Variants in COL28A1 observed in about 807,000 individuals in gnomAD.
The protein encoded by COL28A1 is collagen type XXVIII alpha 1 chain, also known as collagen alpha-1(XXVIII) chain.
Under a neutral mutation model 150.2 loss-of-function variants are expected in COL28A1, and 161 were observed. That is an observed-to-expected ratio of 1.07 (90% CI 0.94 to 1.22). The LOEUF is 1.22. COL28A1 is among the 50% of genes most tolerant of loss of function. COL28A1 has a pLI of 0.00. For missense variants in COL28A1, 1,617 were observed against 1,388.3 expected (o/e 1.16, Z -2.62); for synonymous variants, 552 against 469.7 (o/e 1.18, Z -2.26).
chr7:7,497,361 G>A (rs1305845639), intron 11 of COL28A1, among the ~76,000 whole-genome samples: 5 of 152,134 alleles, frequency 3.3e-5, no homozygotes, highest in Non-Finnish European at 5.9e-5. Context: ...TGTGACTGAC[G>A]TGTATTAACT....
intron 26 of COL28A1, 40 bp from the exon 27 acceptor site, chr7:7,417,967 A>G: frequency 6.6e-7 from 1 of 1,518,622 alleles, no homozygotes; most frequent in Admixed American, 1.8e-5. Flanking sequence ...AAAATGTAAG[A>G]AGATCGAAGA....
At chr7:7,452,150 G>A (rs1786743147) in intron 18 of COL28A1, among the ~76,000 whole-genome samples, 169 bp downstream of exon 18, 1 of 152,208 alleles carries the variant, frequency 6.6e-6, no homozygotes, top group South Asian at 2.1e-4. Flanking sequence ...CAAGCCATAC[G>A]TGTAATTATA....
rs1485727012 is a variant in COL28A1 at position 7,370,761 on chromosome 7, T to C, written c.3030A>G (p.Glu1010=). 7 of 1,613,870 alleles carry C rather than the reference T, an allele frequency of 4.3e-6. No individual in the cohort carries two copies. The African/African-American group carries it at 6.7e-5, about 15-fold the overall frequency. The part of the protein sequence containing the change: ...GFGMSGEELS[E]STPEPQKEIS... ...TTTCTTTTTGAGGCTCTGGAGTAGA[T>C]TCACTGAGTTCTTCCCCTGACATCC... The change falls in exon 33 of 35, where the codon GAA becomes GAG. Residue 1010 remains glutamate (E), a synonymous_variant. Transcript: ENST00000399429.
intron 16 of COL28A1, among the ~76,000 whole-genome samples, chr7:7,453,710 A>G (rs1426824910): frequency 1.3e-5 from 2 of 152,192 alleles, no homozygotes; most frequent in East Asian, 3.8e-4. Context: ...GCTGGCCCGT[A>G]TATCTGCCTA....
At chr7:7,446,059 T>C (rs1408105104) in intron 18 of COL28A1, among the ~76,000 whole-genome samples, 2 of 152,056 alleles carry the variant, frequency 1.3e-5, no homozygotes, top group Non-Finnish European at 2.9e-5. Flanking sequence ...GCTTTCTCCA[T>C]GTTGGTCAGG....
At chr7:7,393,374 T>C (rs1782656193) in intron 27 of COL28A1, among the ~76,000 whole-genome samples, 1 of 152,150 alleles carries the variant, frequency 6.6e-6, no homozygotes, top group African/African-American at 2.4e-5. Flanking sequence ...CAGACAGAGC[T>C]CTCCTGTATG....
At chr7:7,502,087 G>T (rs572018101) in intron 11 of COL28A1, among the ~76,000 whole-genome samples, 52 of 152,274 alleles carry the variant, frequency 3.4e-4, no homozygotes, top group African/African-American at 1.2e-3. Flanking sequence ...TAGAGACGGG[G>T]TTTCACCATC....
At chr7:7,511,261 C>G in intron 8 of COL28A1, 126 bp from the exon 9 acceptor site, 1 of 715,460 alleles carries the variant, frequency 1.4e-6, no homozygotes, top group Non-Finnish European at 2.4e-6. Context: ...TTGGTTTCTA[C>G]ACAATATTAG....
chr7:7,443,494 G>T (rs1045398915), intron 20 of COL28A1, 91 bp downstream of exon 20: 4 of 1,563,136 alleles, frequency 2.6e-6, no homozygotes, highest in Admixed American at 3.8e-5. Context: ...CATTGACATA[G>T]TAAGAATAAC....
rs1781343255 is a variant in COL28A1, at chr7:7,373,430, C to G, written c.2476G>C (p.Asp826His). The change falls in exon 32 of 35, where the codon GAC becomes CAC. Residue 826 changes from aspartate to histidine, a missense_variant. By Grantham distance (81) the Asp-to-His change is moderately conservative. Coordinates refer to ENST00000399429, the MANE Select transcript of COL28A1 (RefSeq NM_001037763.3). The surrounding 1 kb of genome is among the most constrained non-coding windows in gnomAD (Gnocchi z 4.1). Reference protein sequence around the residue: ...IIKNFVKTMADRVALDLATAR... With the variant: ...IIKNFVKTMAHRVALDLATAR... Reference sequence around the variant, plus strand: ...GTGGCAAGGTCCAGAGCAACCCGGTCAGCCATAGTCTTCACAAAATTTTTA... The same window carrying G: ...GTGGCAAGGTCCAGAGCAACCCGGTGAGCCATAGTCTTCACAAAATTTTTA... 6.2e-7 allele frequency: 1 copy of G among 1,614,146 alleles called. No homozygotes were observed. The highest frequency in any genetic ancestry group is 8.5e-7 in the Non-Finnish European group (1 of 1,180,032).
intron 15 of COL28A1, among the ~76,000 whole-genome samples, chr7:7,468,571 C>G (rs1788211151): frequency 1.8e-5 from 1 of 55,268 alleles, no homozygotes; most frequent in African/African-American, 9.4e-5. Flanking sequence ...CTATTCCAAT[C>G]AATAGAAAAA....
At chr7:7,533,794 G>A (rs1782497499) in intron 1 of COL28A1, among the ~76,000 whole-genome samples, 1 of 152,130 alleles carries the variant, frequency 6.6e-6, no homozygotes, top group Admixed American at 6.5e-5. Flanking sequence ...CCTGGGAGGA[G>A]AAGACTCATG....
intron 25 of COL28A1, among the ~76,000 whole-genome samples, chr7:7,430,006 G>A (rs1784872544): frequency 6.6e-6 from 1 of 152,316 alleles, no homozygotes. Context: ...CCCCTAAAAT[G>A]TAGACGAAGG....
chr7:7,358,430 C>CAT lies in COL28A1; in HGVS notation c.*202_*203insAT. On this transcript the variant is annotated 3_prime_UTR_variant, in exon 35 of 35. Coordinates refer to ENST00000399429, the MANE Select transcript of COL28A1 (RefSeq NM_001037763.3). The stretch of plus-strand genomic sequence containing the variant: ...TAGTTGGGTGACAGTTGACAAGTTA[C>CAT]TAAACTTCTCAGAGCCTCAGCTTTC... 2.2e-6 allele frequency: 1 copy of CAT among 463,996 alleles called. No homozygotes were observed. The highest frequency in any genetic ancestry group is 4.2e-5 in the South Asian group (1 of 23,910). 28.7% of individuals were successfully genotyped at this position (463,996 alleles called of 1,614,324 possible).
At chr7:7,495,530 C>T (rs1780160010) in intron 11 of COL28A1, among the ~76,000 whole-genome samples, 1 of 152,166 alleles carries the variant, frequency 6.6e-6, no homozygotes, top group South Asian at 2.1e-4. Flanking sequence ...CCAATATAGT[C>T]ATCTTCCAGC....
chr7:7,481,673 T>C (rs916784233), intron 13 of COL28A1, among the ~76,000 whole-genome samples: 3 of 152,218 alleles, frequency 2.0e-5, no homozygotes, highest in African/African-American at 4.8e-5. Flanking sequence ...ACATTAACGA[T>C]GAGATGAAAT....
At chr7:7,516,625 T>C (rs1437746598) in intron 7 of COL28A1, among the ~76,000 whole-genome samples, 1 of 152,232 alleles carries the variant, frequency 6.6e-6, no homozygotes, top group Non-Finnish European at 1.5e-5. Flanking sequence ...ATTTTTCAAA[T>C]ATGGAAATAG....
In COL28A1 at chr7:7,463,253, A is replaced by C. The variant is rs181575460; in HGVS notation, c.1303-7141T>G. On this transcript the variant is annotated intron_variant, in intron 15 of 34. Transcript: ENST00000399429. ...GTCATCAGGTTATCTGAAGTTAAGA[A>C]GAAGGAAAGAATCTTAACAGCTGTG... is the stretch of plus-strand genomic sequence containing the variant. 4.6e-3 allele frequency among the ~76,000 whole-genome samples: 707 copies of C among 152,334 alleles called. 5 individuals are homozygous for C. Among genetic ancestry groups the C allele is most frequent in the East Asian group, 0.022 (115 of 5,188 alleles).
intron 27 of COL28A1, among the ~76,000 whole-genome samples, chr7:7,413,160 G>C (rs1006082015): frequency 2.6e-5 from 4 of 152,066 alleles, no homozygotes; most frequent in African/African-American, 9.7e-5. Context: ...GTTGGATAGA[G>C]GTCACCAAAT....
Sources: gnomAD v4.1 joint callset for allele counts (sites outside exome capture counted in the v4.1 genomes callset) on GRCh38, gnomAD v4.1.1 for gene constraint, Gnocchi (gnomAD v3.1) non-coding constraint, MANE v1.5 for transcripts, NCBI Gene and HGNC (gene_info 2026-07-23, HGNC 2026-07-21) for gene names.